CD247: variants seen among roughly 807,000 people sequenced by gnomAD.
CD247 encodes T-cell surface glycoprotein CD3 zeta chain.
A neutral mutation model predicts 30.0 loss-of-function variants in CD247; 13 were observed. The ratio of observed to expected loss-of-function variants is 0.43; its 90% CI spans 0.28 to 0.69. CD247 has a LOEUF of 0.69. CD247 is among the 30% of genes least tolerant of loss of function. The probability of loss-of-function intolerance (pLI) is 0.16; values close to 1 mark genes in which losing one functional copy is unlikely to be tolerated. For synonymous variants in CD247, 72 were observed against 80.0 expected (o/e 0.90, Z 0.53); for missense variants, 193 against 212.6 (o/e 0.91, Z 0.57).
chr1:167,479,815 AG>A (rs1201112782), intron 1 of CD247, among the ~76,000 whole-genome samples: 1 of 152,186 alleles, frequency 6.6e-6, no homozygotes, highest in Non-Finnish European at 1.5e-5. Context: ...AGGTTGCTCC[AG>A]GGGCACTGGG....
At chr1:167,433,538 C>T (rs1393297768) in intron 6 of CD247, among the ~76,000 whole-genome samples, 1 of 152,212 alleles carries the variant, frequency 6.6e-6, no homozygotes, top group African/African-American at 2.4e-5. Context: ...ACATGTTTCT[C>T]ATTGGGTTGT....
chr1:167,492,262 T>A (rs549691904), intron 1 of CD247, among the ~76,000 whole-genome samples: 1 of 152,172 alleles, frequency 6.6e-6, no homozygotes, highest in South Asian at 2.1e-4. Context: ...ACAGTTGACA[T>A]GTGTGAAGGA....
chr1:167,490,012 CA>C (rs1445932333), intron 1 of CD247, among the ~76,000 whole-genome samples: 3 of 152,066 alleles, frequency 2.0e-5, no homozygotes, highest in Non-Finnish European at 4.4e-5. Context: ...TGTGCCCCCC[CA>C]CCACCCCACC....
intron 4 of CD247, 99 bp downstream of exon 4, chr1:167,438,471 G>A (rs367621631): frequency 6.5e-6 from 6 of 926,012 alleles, no homozygotes; most frequent in South Asian, 1.3e-5. Context: ...TGTGAGGGTC[G>A]AGTCTGGTTG....
chr1:167,458,689 C>CTTTCTTTTTTTTTTTTT (rs1553231431), intron 1 of CD247: 12 of 95,380 alleles, frequency 1.3e-4, no homozygotes, highest in African/African-American at 2.8e-4. Context: ...TTCTTTCTTT[C>CTTTCTTTTTTTTTTTTT]TTTTTTTTTT....
intron 1 of CD247, among the ~76,000 whole-genome samples, chr1:167,511,813 C>T (rs1332512458): frequency 6.6e-6 from 1 of 151,978 alleles, no homozygotes; most frequent in African/African-American, 2.4e-5. Flanking sequence ...AGGCCTGGTT[C>T]TACTCGTAGG....
At position 167,435,743 on chromosome 1, in the gene CD247, T is replaced by C. The variant is rs146568547; in HGVS notation, c.301-309A>G. 2.5e-3 allele frequency among the ~76,000 whole-genome samples: 388 copies of C among 152,364 alleles called. 1 individual carries two copies. Among genetic ancestry groups the C allele is most frequent in the African/African-American group, 8.8e-3 (367 of 41,596 alleles). On this transcript the variant is annotated intron_variant, in intron 4 of 7. Transcript: ENST00000362089. ...CATCACAAGCTGACAAGTGGGACTT[T>C]TGGCTGAAGACAAAAGGAGTCACAT...
chr1:167,466,886 C>CTGGA (rs1653274162), intron 1 of CD247, among the ~76,000 whole-genome samples: 1 of 151,710 alleles, frequency 6.6e-6, no homozygotes, highest in Non-Finnish European at 1.5e-5. Context: ...GTCGCCCAGG[C>CTGGA]TGGAGTGCAG....
intron 1 of CD247, among the ~76,000 whole-genome samples, chr1:167,511,532 C>T (rs949770493): frequency 8.5e-5 from 13 of 152,094 alleles, no homozygotes; most frequent in African/African-American, 2.2e-4. Flanking sequence ...CATCATAATA[C>T]GTTCTAGAAA....
chr1:167,450,648 T>C (rs1652309805), intron 1 of CD247, among the ~76,000 whole-genome samples: 2 of 152,150 alleles, frequency 1.3e-5, no homozygotes, highest in African/African-American at 4.8e-5. Flanking sequence ...CTGGGAGCAG[T>C]GGCTCATGCC....
Position 167,518,388 on chromosome 1 carries a change from C to T in CD247, c.58+20G>A, listed in dbSNP as rs562124595. On this transcript the variant is annotated intron_variant, in intron 1 of 7. Transcript: ENST00000362089. Reference sequence around the variant, plus strand: ...CAAAGAGTTTCTAGAAGTTCCCTGCCGTCGACACGTCGGCCCTACCTGTAA... The same window carrying T: ...CAAAGAGTTTCTAGAAGTTCCCTGCTGTCGACACGTCGGCCCTACCTGTAA... 8 of 1,613,442 alleles carry T rather than the reference C, an allele frequency of 5.0e-6. No homozygotes were observed. Among genetic ancestry groups the T allele is most frequent in the African/African-American group, 1.3e-5 (1 of 74,918 alleles).
intron 1 of CD247, among the ~76,000 whole-genome samples, chr1:167,464,560 G>T (rs891968254): frequency 2.0e-5 from 3 of 152,188 alleles, no homozygotes; most frequent in Admixed American, 1.3e-4. Context: ...CTTTGGACAA[G>T]GATGCTGGCT....
At chr1:167,513,304 C>G (rs1238905276) in intron 1 of CD247, among the ~76,000 whole-genome samples, 2 of 148,712 alleles carry the variant, frequency 1.3e-5, no homozygotes, top group East Asian at 3.9e-4. Context: ...TTTATGTTAA[C>G]TATAAAAAGA....
chr1:167,511,583 G>A (rs559817914), intron 1 of CD247, among the ~76,000 whole-genome samples: 4 of 152,222 alleles, frequency 2.6e-5, no homozygotes, highest in Admixed American at 6.5e-5. Context: ...TTCATACTCA[G>A]CAGAAAATGT....
chr1:167,509,653 G>A lies in CD247; in HGVS notation c.58+8755C>T, dbSNP rs146314010. 1.2e-4 allele frequency among the ~76,000 whole-genome samples: 18 copies of A among 152,234 alleles called. No homozygotes were observed. The East Asian group carries it at 2.9e-3, about 25-fold the overall frequency. ...GGTGCCGAGTCTCTTCTCTGGGAAC[G>A]CCTCACTCTAGGGAACTATTTCTGT... is the stretch of plus-strand genomic sequence containing the variant. On this transcript the variant is annotated intron_variant, in intron 1 of 7. Transcript: ENST00000362089.
chr1:167,471,576 T>C (rs1190881362), intron 1 of CD247, among the ~76,000 whole-genome samples: 1 of 152,168 alleles, frequency 6.6e-6, no homozygotes, highest in African/African-American at 2.4e-5. Flanking sequence ...ATTTTATGAA[T>C]TGTGTGGTGA....
chr1:167,482,457 G>A (rs536081192), intron 1 of CD247, among the ~76,000 whole-genome samples: 33 of 152,332 alleles, frequency 2.2e-4, no homozygotes, highest in Admixed American at 6.5e-4. Flanking sequence ...TGGAGTGAAC[G>A]TCTTTCCTCT....
At chr1:167,517,413 G>C (rs987489771) in intron 1 of CD247, among the ~76,000 whole-genome samples, 11 of 152,350 alleles carry the variant, frequency 7.2e-5, no homozygotes, top group Non-Finnish European at 1.6e-4. Context: ...TTGAAATTCA[G>C]CCTGCCCCAC....
At chr1:167,461,219 G>A (rs998287051) in intron 1 of CD247, among the ~76,000 whole-genome samples, 3 of 152,224 alleles carry the variant, frequency 2.0e-5, no homozygotes, top group African/African-American at 7.2e-5. Context: ...CCCTAGGCAT[G>A]TCACCTCTTC....
Sources: allele counts gnomAD v4.1 joint callset (sites outside exome capture counted in the v4.1 genomes callset), GRCh38; gene constraint gnomAD v4.1.1; transcripts MANE v1.5; gene names NCBI Gene and HGNC (gene_info 2026-07-23, HGNC 2026-07-21).